Variants in BMPR1B observed in about 807,000 individuals in gnomAD.
BMPR1B encodes the protein bone morphogenetic protein receptor type 1B.
A neutral mutation model predicts 59.1 loss-of-function variants in BMPR1B; 12 were observed. The observed-to-expected ratio is 0.20, with a 90% confidence interval of 0.13 to 0.33. BMPR1B has a LOEUF of 0.33. Among genes scored for constraint, BMPR1B ranks in the 10% least tolerant of loss-of-function variants. BMPR1B has a pLI of 1.00. For synonymous variants in BMPR1B, 237 were observed against 207.3 expected (o/e 1.14, Z -1.23); for missense variants, 550 against 610.9 (o/e 0.90, Z 1.05).
intron 1 of BMPR1B, among the ~76,000 whole-genome samples, chr4:94,837,958 T>C (rs1724890610): frequency 7.7e-6 from 1 of 129,184 alleles, no homozygotes; most frequent in African/African-American, 3.1e-5. Flanking sequence ...GTTGAGAGTT[T>C]TTAGCATGAA....
chr4:94,970,769 T>C (rs1234210535), intron 2 of BMPR1B, among the ~76,000 whole-genome samples: 1 of 152,242 alleles, frequency 6.6e-6, no homozygotes, highest in Non-Finnish European at 1.5e-5. Flanking sequence ...GAAACACCTA[T>C]CATTTCTTTG....
chr4:94,764,657 C>T (rs1413900530), intron 1 of BMPR1B, among the ~76,000 whole-genome samples: 1 of 152,204 alleles, frequency 6.6e-6, no homozygotes, highest in African/African-American at 2.4e-5. Context: ...TTTTGGACAT[C>T]TGCTTTCCAC....
chr4:94,894,963 C>T (rs1482630097), intron 2 of BMPR1B, among the ~76,000 whole-genome samples: 1 of 151,774 alleles, frequency 6.6e-6, no homozygotes, highest in Non-Finnish European at 1.5e-5. Context: ...TTTGGGTTCT[C>T]TGAGTATTAG....
intron 2 of BMPR1B, among the ~76,000 whole-genome samples, chr4:94,884,280 C>T (rs1198121458): frequency 1.3e-5 from 2 of 152,186 alleles, no homozygotes; most frequent in African/African-American, 4.8e-5. Flanking sequence ...AATCCCAGCA[C>T]TTTGGGAGGC....
intron 3 of BMPR1B, among the ~76,000 whole-genome samples, chr4:95,104,001 C>G (rs1179747668): frequency 6.6e-6 from 1 of 151,980 alleles, no homozygotes; most frequent in Admixed American, 6.6e-5. Context: ...AATGCTGGGT[C>G]TATAGTCTAT....
intron 1 of BMPR1B, among the ~76,000 whole-genome samples, chr4:94,799,939 C>T (rs111732855): frequency 6.7e-4 from 102 of 152,088 alleles, no homozygotes; most frequent in African/African-American, 2.0e-3. Flanking sequence ...GATAACTTGC[C>T]GCAGCCTCCC....
intron 1 of BMPR1B, among the ~76,000 whole-genome samples, chr4:94,825,261 A>G (rs1041565388): frequency 2.0e-5 from 3 of 152,116 alleles, no homozygotes; most frequent in Non-Finnish European, 2.9e-5. Context: ...CCAGCTACTC[A>G]GGAGGCTGAG....
At chr4:94,781,770 A>G (rs1722599194) in intron 1 of BMPR1B, among the ~76,000 whole-genome samples, 1 of 152,216 alleles carries the variant, frequency 6.6e-6, no homozygotes, top group Non-Finnish European at 1.5e-5. Context: ...TTTAGTGGAC[A>G]TAAGACTCAT....
intron 2 of BMPR1B, among the ~76,000 whole-genome samples, chr4:94,900,338 CAAAA>C (rs34541975): frequency 2.7e-5 from 3 of 110,230 alleles, no homozygotes; most frequent in East Asian, 3.7e-4. Context: ...AAGTGGCCAG[CAAAA>C]AAAAAAAAAA....
chr4:95,128,466 A>T (rs752241903), intron 8 of BMPR1B, among the ~76,000 whole-genome samples: 1 of 152,212 alleles, frequency 6.6e-6, no homozygotes, highest in South Asian at 2.1e-4. Context: ...TCTTGGAACC[A>T]TTGATATCAG....
At chr4:94,787,848 T>C (rs1412279915) in intron 1 of BMPR1B, among the ~76,000 whole-genome samples, 2 of 152,198 alleles carry the variant, frequency 1.3e-5, no homozygotes, top group Admixed American at 6.5e-5. Context: ...GGGACCTATT[T>C]TATACTGGAA....
chr4:94,872,874 C>G (rs1726558105), intron 1 of BMPR1B, among the ~76,000 whole-genome samples: 1 of 152,138 alleles, frequency 6.6e-6, no homozygotes, highest in Non-Finnish European at 1.5e-5. Flanking sequence ...GTTTCTGCAC[C>G]TAAGAAGTTT....
chr4:94,862,358 C>T (rs530578353), intron 1 of BMPR1B, among the ~76,000 whole-genome samples: 1 of 150,300 alleles, frequency 6.7e-6, no homozygotes, highest in Admixed American at 6.6e-5. Flanking sequence ...ACCATGTTGG[C>T]CAGGCTAGTC....
intron 10 of BMPR1B, among the ~76,000 whole-genome samples, chr4:95,139,391 G>T (rs933825345): frequency 6.6e-6 from 1 of 152,154 alleles, no homozygotes; most frequent in Non-Finnish European, 1.5e-5. Flanking sequence ...CAGTCTGTCC[G>T]TTCTCAGATC....
chr4:95,080,346 C>A (rs1425111439), intron 3 of BMPR1B, among the ~76,000 whole-genome samples: 1 of 152,102 alleles, frequency 6.6e-6, no homozygotes, highest in Non-Finnish European at 1.5e-5. Context: ...AAGTGATTTA[C>A]CTCCCTCAAC....
At chr4:95,074,570 G>A (rs1396229541) in intron 3 of BMPR1B, among the ~76,000 whole-genome samples, 1 of 151,934 alleles carries the variant, frequency 6.6e-6, no homozygotes, top group Non-Finnish European at 1.5e-5. Context: ...CCAAGGCCCT[G>A]TCCTACCACT....
Position 94,873,062 on chromosome 4 carries a change from GA to G in BMPR1B, c.-182-2768del, listed in dbSNP as rs549383380. On this transcript the variant is annotated intron_variant, in intron 1 of 12. Transcript: ENST00000515059. ...TACTATATCTAGAAATAATCTATAT[GA>G]TTTTTTTTTTTGGCCATAAGCCAGA... Among the ~76,000 whole-genome samples, 142 of 152,028 alleles carry G rather than the reference GA, an allele frequency of 9.3e-4. 1 individual carries two copies. In the Middle Eastern group the frequency reaches 0.01, roughly 11 times the overall value.
intron 1 of BMPR1B, among the ~76,000 whole-genome samples, chr4:94,867,203 C>T (rs887948498): frequency 2.6e-5 from 4 of 152,040 alleles, no homozygotes; most frequent in Non-Finnish European, 5.9e-5. Flanking sequence ...GGATAGATAC[C>T]CCATTCTCAA....
chr4:95,156,211 A>G lies in BMPR1B; in HGVS notation c.*1538A>G, dbSNP rs989689736. 1 of 152,072 alleles carries G rather than the reference A, an allele frequency of 6.6e-6. No individual in the cohort carries two copies. The highest frequency in any genetic ancestry group is 2.4e-5 in the African/African-American group (1 of 41,416). The allele number at this position is 152,072 out of a possible 1,614,324, so 9.4% of individuals were successfully genotyped here. On this transcript the variant is annotated 3_prime_UTR_variant, in exon 13 of 13. Coordinates refer to ENST00000515059, the MANE Select transcript of BMPR1B (RefSeq NM_001203.3). ...TACAATACAGTTTAAAGTTGTACAC[A>G]TCCTGCTCAACTTTATTCATATACA...
Sources: allele counts gnomAD v4.1 joint callset (sites outside exome capture counted in the v4.1 genomes callset), GRCh38; gene constraint gnomAD v4.1.1; transcripts MANE v1.5; gene names NCBI Gene and HGNC (gene_info 2026-07-23, HGNC 2026-07-21).